Variants in ZNHIT6 observed in about 807,000 individuals in gnomAD.
ZNHIT6 encodes the protein zinc finger HIT-type containing 6.
In ZNHIT6, 45 loss-of-function variants were observed where a neutral mutation model predicts 57.2. That is an observed-to-expected ratio of 0.79 (90% CI 0.62 to 1.01). ZNHIT6 has a LOEUF of 1.01. Ranked by LOEUF, ZNHIT6 falls within the 50% of genes least tolerant of loss-of-function variation. The pLI, the probability that ZNHIT6 is intolerant of heterozygous loss-of-function variation, is 0.00. For synonymous variants in ZNHIT6, 188 were observed against 190.0 expected, an observed-to-expected ratio of 0.99 and a Z score of 0.09; for missense variants, 528 against 567.3, an observed-to-expected ratio of 0.93 and a Z score of 0.70.
intron 7 of ZNHIT6, among the ~76,000 whole-genome samples, 166 bp downstream of exon 7, chr1:85,678,535 C>A (rs1245359901): frequency 6.6e-6 from 1 of 152,052 alleles, no homozygotes; most frequent in African/African-American, 2.4e-5. Flanking sequence ...ACATAGGAAA[C>A]AATGAATGTC....
At chr1:85,692,083 C>G (rs1318980136) in intron 5 of ZNHIT6, among the ~76,000 whole-genome samples, 1 of 152,224 alleles carries the variant, frequency 6.6e-6, no homozygotes, top group Non-Finnish European at 1.5e-5. Context: ...GCAGGAGAAT[C>G]GCTTGAACCC....
intron 9 of ZNHIT6, among the ~76,000 whole-genome samples, chr1:85,654,581 T>C (rs573330544): frequency 8.7e-4 from 133 of 152,264 alleles, no homozygotes; most frequent in African/African-American, 3.1e-3. Flanking sequence ...CCTGTCTTGC[T>C]TAGAGCAAGC....
chr1:85,666,534 T>C (rs747664099), intron 8 of ZNHIT6, among the ~76,000 whole-genome samples: 1 of 152,206 alleles, frequency 6.6e-6, no homozygotes, highest in Admixed American at 6.5e-5. Flanking sequence ...TCACTTCAAA[T>C]ACAGGCTCTC....
intron 5 of ZNHIT6, among the ~76,000 whole-genome samples, chr1:85,691,097 G>T (rs1662205707): frequency 1.3e-5 from 2 of 152,078 alleles, no homozygotes; most frequent in South Asian, 4.2e-4. Flanking sequence ...AGTTAATTCT[G>T]GCATGCACTA....
chr1:85,707,148 T>A (rs1250347933), intron 1 of ZNHIT6, among the ~76,000 whole-genome samples: 1 of 152,172 alleles, frequency 6.6e-6, no homozygotes, highest in Admixed American at 6.5e-5. Context: ...TGTCACATGA[T>A]CCACACACTA....
rs371192859 is a variant in ZNHIT6, at chr1:85,687,281, C to CAAAAAAAAAAAAAAAAAAAAAAA, written c.1020-6378_1020-6377insTTTTTTTTTTTTTTTTTTTTTTT. ...GGTGACAAGAGTGAGAAGACTATCT[C>CAAAAAAAAAAAAAAAAAAAAAAA]AAAAAACAAAAAAAAAACAAAAAAA... On this transcript the variant is annotated intron_variant, in intron 5 of 9. Coordinates refer to ENST00000370574, the MANE Select transcript of ZNHIT6 (RefSeq NM_017953.4). 4.2e-4 allele frequency among the ~76,000 whole-genome samples: 14 copies of CAAAAAAAAAAAAAAAAAAAAAAA among 33,598 alleles called. 3 individuals are homozygous for CAAAAAAAAAAAAAAAAAAAAAAA. Among genetic ancestry groups the CAAAAAAAAAAAAAAAAAAAAAAA allele is most frequent in the African/African-American group, 6.9e-4 (7 of 10,166 alleles). The allele number at this position is 33,598 out of a possible 152,430, so 22.0% of individuals were successfully genotyped here.
chr1:85,667,964 A>AAAAAAAAAAAAAAAG (rs1557842173), intron 8 of ZNHIT6, among the ~76,000 whole-genome samples: 2 of 106,544 alleles, frequency 1.9e-5, no homozygotes, highest in African/African-American at 7.0e-5. Flanking sequence ...AAAAAAAAAT[A>AAAAAAAAAAAAAAAG]TATATATATA....
intron 4 of ZNHIT6, 68 bp downstream of exon 4, chr1:85,706,010 A>T (rs1662673568): frequency 3.9e-5 from 6 of 152,016 alleles, no homozygotes; most frequent in Non-Finnish European, 5.3e-5. Context: ...TTGGTAAGTT[A>T]AAAAAAAAAA....
chr1:85,669,720 G>C (rs1346165305), intron 8 of ZNHIT6, among the ~76,000 whole-genome samples: 1 of 152,150 alleles, frequency 6.6e-6, no homozygotes, highest in Non-Finnish European at 1.5e-5. Context: ...TTTCCATCAA[G>C]AAATGATTAA....
chr1:85,678,739 G>A lies in ZNHIT6; in HGVS notation c.1131C>T (p.Tyr377=), dbSNP rs2100678955. The A allele has an allele frequency of 1.3e-6, 2 of 1,591,850 alleles. No individual in the cohort carries two copies. The highest frequency in any genetic ancestry group is 1.4e-5 in the African/African-American group (1 of 73,850). The change falls in exon 7 of 10, where the codon TAC becomes TAT. Residue 377 remains tyrosine, a synonymous_variant. Coordinates refer to ENST00000370574, the MANE Select transcript of ZNHIT6 (RefSeq NM_017953.4). The part of the protein sequence containing the change: ...DKTINEILKP[Y]IDPEKSDPVI... ...CAGGATCAGACTTTTCAGGATCAAT[G>A]TAAGGTTTTAGGATTTCATTAATAG...
chr1:85,698,361 T>C (rs1310985005), intron 5 of ZNHIT6, among the ~76,000 whole-genome samples: 1 of 152,184 alleles, frequency 6.6e-6, no homozygotes, highest in African/African-American at 2.4e-5. Flanking sequence ...TGGATTAGAA[T>C]GAACCTATCC....
At chr1:85,672,666 C>T (rs137999153) in intron 8 of ZNHIT6, among the ~76,000 whole-genome samples, 10 of 152,060 alleles carry the variant, frequency 6.6e-5, no homozygotes, top group African/African-American at 2.4e-4. Context: ...TTCCTTACTA[C>T]AACAGAACTG....
At chr1:85,700,315 T>A (rs145538336) in intron 5 of ZNHIT6, among the ~76,000 whole-genome samples, 64 of 152,300 alleles carry the variant, frequency 4.2e-4, no homozygotes, top group African/African-American at 1.4e-3. Context: ...GGTAAAAGAC[T>A]AAGAAATGGA....
At position 85,707,698 on chromosome 1, in the gene ZNHIT6, T is replaced by C; in HGVS notation, c.587A>G (p.Asp196Gly). The C allele has an allele frequency of 6.2e-7, 1 of 1,606,058 alleles. No individual in the cohort carries two copies. The highest frequency in any genetic ancestry group is 1.3e-5 in the African/African-American group (1 of 74,632). ...CGGAGGCTCTTCTTTCACCTTTGTA[T>C]CATCCACGATTTCTTTCTTCAGGAA... is the stretch of plus-strand genomic sequence containing the variant. ...KDFLKKEIVD[D>G]TKVKEEPPIN... is the part of the protein sequence containing the mutation. Residue 196 changes from aspartate to glycine, a missense_variant, in exon 1 of 10, where the codon GAT becomes GGT. By Grantham distance (94) the Asp-to-Gly change is moderately conservative. Transcript: ENST00000370574.
intron 8 of ZNHIT6, among the ~76,000 whole-genome samples, chr1:85,661,626 A>G (rs1661226363): frequency 6.6e-6 from 1 of 152,224 alleles, no homozygotes; most frequent in Admixed American, 6.5e-5. Context: ...ACTTCCAAGA[A>G]GATAAAGGTA....
At chr1:85,704,600 A>G (rs1291558179) in intron 4 of ZNHIT6, among the ~76,000 whole-genome samples, 10 of 152,134 alleles carry the variant, frequency 6.6e-5, no homozygotes, top group Non-Finnish European at 1.3e-4. Context: ...TATACTTGCT[A>G]TATTTCACAA....
At chr1:85,707,004 T>C (rs562492198) in intron 1 of ZNHIT6, among the ~76,000 whole-genome samples, 18 of 152,330 alleles carry the variant, frequency 1.2e-4, no homozygotes, top group African/African-American at 4.3e-4. Flanking sequence ...AGAAATGCCA[T>C]GTAACCCATC....
At chr1:85,658,014 T>A in intron 8 of ZNHIT6, 43 bp from the exon 9 acceptor site, 1 of 1,301,616 alleles carries the variant, frequency 7.7e-7, no homozygotes, top group Non-Finnish European at 1.0e-6. Context: ...ACACTCTTAA[T>A]ATTCAAAATT....
intron 4 of ZNHIT6, among the ~76,000 whole-genome samples, chr1:85,705,371 C>A (rs1483679530): frequency 6.6e-6 from 1 of 152,066 alleles, no homozygotes; most frequent in East Asian, 1.9e-4. Context: ...CACGCCACCA[C>A]GCCTGGCTAA....
Sources: gnomAD v4.1 joint callset for allele counts (sites outside exome capture counted in the v4.1 genomes callset) on GRCh38, gnomAD v4.1.1 for gene constraint, MANE v1.5 for transcripts, NCBI Gene and HGNC (gene_info 2026-07-23, HGNC 2026-07-21) for gene names.